GALNT13: variants seen among roughly 807,000 people sequenced by gnomAD.
GALNT13 encodes the protein polypeptide N-acetylgalactosaminyltransferase 13, also known as UDP-GalNAc:polypeptide N-acetylgalactosaminyltransferase 13.
A neutral mutation model predicts 64.2 loss-of-function variants in GALNT13; 28 were observed. That is an observed-to-expected ratio of 0.44 (90% CI 0.32 to 0.60). The LOEUF is 0.60. GALNT13 is among the 20% of genes least tolerant of loss of function. The probability of loss-of-function intolerance (pLI) is 0.05; values close to 1 mark genes in which losing one functional copy is unlikely to be tolerated. For synonymous variants in GALNT13, 214 were observed against 224.6 expected (o/e 0.95, Z 0.42); for missense variants, 577 against 669.8 (o/e 0.86, Z 1.53).
At chr2:153,978,506 C>T (rs567020580) in intron 3 of GALNT13, among the ~76,000 whole-genome samples, 1 of 152,074 alleles carries the variant, frequency 6.6e-6, no homozygotes, top group Non-Finnish European at 1.5e-5. Context: ...GTAATTGAAT[C>T]ATGGGGGCTG....
intron 3 of GALNT13, among the ~76,000 whole-genome samples, chr2:154,022,636 C>G (rs1365834094): frequency 2.0e-5 from 3 of 151,954 alleles, no homozygotes; most frequent in Admixed American, 6.6e-5. Flanking sequence ...TTGATCTGTT[C>G]AAAAAACCAG....
chr2:153,944,984 C>T (rs995262224), intron 3 of GALNT13, among the ~76,000 whole-genome samples: 1 of 152,108 alleles, frequency 6.6e-6, no homozygotes, highest in African/African-American at 2.4e-5. Flanking sequence ...AAAGACCAAG[C>T]ACATAACATA....
chr2:154,319,908 T>C (rs1694532093), intron 9 of GALNT13, among the ~76,000 whole-genome samples: 2 of 152,112 alleles, frequency 1.3e-5, no homozygotes, highest in Admixed American at 1.3e-4. Flanking sequence ...AAAAATGTAA[T>C]CTTATTTGAC....
the GALNT13 span, among the ~76,000 whole-genome samples, chr2:153,268,792 A>G: frequency 6.6e-6 from 1 of 152,074 alleles, no homozygotes; most frequent in East Asian, 1.9e-4. Flanking sequence ...GCCCAACAAC[A>G]CCTGGAAGCC....
At chr2:153,094,492 C>G in the GALNT13 span, among the ~76,000 whole-genome samples, 1 of 152,152 alleles carries the variant, frequency 6.6e-6, no homozygotes, top group Admixed American at 6.5e-5. Flanking sequence ...AATGCCATCC[C>G]CATCAAGCTA....
At chr2:153,207,853 G>A in the GALNT13 span, among the ~76,000 whole-genome samples, 4 of 152,130 alleles carry the variant, frequency 2.6e-5, no homozygotes, top group African/African-American at 7.2e-5. Context: ...GAAAAACGCT[G>A]TTAAATAAGA....
the GALNT13 span, among the ~76,000 whole-genome samples, chr2:153,167,020 A>G: frequency 6.6e-6 from 1 of 152,242 alleles, no homozygotes; most frequent in African/African-American, 2.4e-5. Flanking sequence ...TCTGAAGCAG[A>G]GAACCCAGAT....
the GALNT13 span, among the ~76,000 whole-genome samples, chr2:153,687,879 T>C: frequency 1.3e-5 from 2 of 152,010 alleles, no homozygotes; most frequent in Non-Finnish European, 2.9e-5. Flanking sequence ...AAAGACAGTT[T>C]GTGGTATTTT....
At chr2:154,091,905 T>C (rs1230071568) in intron 3 of GALNT13, among the ~76,000 whole-genome samples, 1 of 151,834 alleles carries the variant, frequency 6.6e-6, no homozygotes, top group Non-Finnish European at 1.5e-5. Context: ...AAAAACTAAA[T>C]AGATCATTTA....
chr2:153,872,629 G>GTGGA (rs1226886344), intron 1 of GALNT13, among the ~76,000 whole-genome samples: 1 of 65,382 alleles, frequency 1.5e-5, no homozygotes, highest in Non-Finnish European at 3.5e-5. Flanking sequence ...CGGGGGGGGG[G>GTGGA]GGGGGAGCGG....
chr2:153,958,803 A>G (rs1692746736), intron 3 of GALNT13, among the ~76,000 whole-genome samples: 1 of 152,236 alleles, frequency 6.6e-6, no homozygotes, highest in Non-Finnish European at 1.5e-5. Flanking sequence ...AGGATAAACA[A>G]ATGGCTGTGG....
chr2:153,673,446 A>T, the GALNT13 span, among the ~76,000 whole-genome samples: 1 of 152,240 alleles, frequency 6.6e-6, no homozygotes, highest in African/African-American at 2.4e-5. Context: ...AAACAGAACC[A>T]ACAACAAAAA....
chr2:153,954,632 A>C (rs2105411181), intron 3 of GALNT13, among the ~76,000 whole-genome samples: 1 of 150,740 alleles, frequency 6.6e-6, no homozygotes, highest in African/African-American at 2.4e-5. Context: ...ATAATAAATA[A>C]ATAATGAAAA....
chr2:153,316,412 G>A, the GALNT13 span, among the ~76,000 whole-genome samples: 6 of 152,062 alleles, frequency 3.9e-5, no homozygotes. Flanking sequence ...GGAGGCCGAG[G>A]AGGGTGGATC....
At chr2:154,381,467 T>G (rs1335053418) in intron 9 of GALNT13, among the ~76,000 whole-genome samples, 1 of 152,128 alleles carries the variant, frequency 6.6e-6, no homozygotes, top group Admixed American at 6.6e-5. Context: ...CTCACATTTG[T>G]TAATTTTTGT....
At chr2:154,018,309 G>A (rs926730381) in intron 3 of GALNT13, among the ~76,000 whole-genome samples, 16 of 152,164 alleles carry the variant, frequency 1.1e-4, no homozygotes, top group Non-Finnish European at 1.5e-5. Context: ...AAGGAGCCAC[G>A]TTTGCAAAAT....
At chr2:153,451,960 G>A in the GALNT13 span, among the ~76,000 whole-genome samples, 2 of 152,210 alleles carry the variant, frequency 1.3e-5, no homozygotes, top group Non-Finnish European at 2.9e-5. Context: ...ACTAAAAAAT[G>A]TGGATTCTCT....
chr2:153,827,909 C>A, the GALNT13 span, among the ~76,000 whole-genome samples: 1 of 152,196 alleles, frequency 6.6e-6, no homozygotes, highest in Non-Finnish European at 1.5e-5. Flanking sequence ...GGTAAATACA[C>A]CTGTTCCAAA....
At chr2:154,069,854 T>G (rs1394755230) in intron 3 of GALNT13, among the ~76,000 whole-genome samples, 1 of 152,092 alleles carries the variant, frequency 6.6e-6, no homozygotes, top group Non-Finnish European at 1.5e-5. Flanking sequence ...TACATGTCTG[T>G]AGTAGCATTC....
Sources: allele counts gnomAD v4.1 joint callset (sites outside exome capture counted in the v4.1 genomes callset), GRCh38; gene constraint gnomAD v4.1.1; transcripts MANE v1.5; gene names NCBI Gene and HGNC (gene_info 2026-07-23, HGNC 2026-07-21).